DRAM1: variants seen among roughly 807,000 people sequenced by gnomAD.
The protein encoded by DRAM1 is DNA damage-regulated autophagy modulator protein 1.
DRAM1 carries 25 observed loss-of-function variants against 28.5 expected under a neutral mutation model. The ratio of observed to expected loss-of-function variants is 0.88; its 90% CI spans 0.64 to 1.23. The LOEUF is 1.23. Ranked by LOEUF, DRAM1 falls within the 50% of genes most tolerant of loss-of-function variation. The pLI, the probability that DRAM1 is intolerant of heterozygous loss-of-function variation, is 0.00. For synonymous variants in DRAM1, 113 were observed against 114.2 expected, an observed-to-expected ratio of 0.99 and a Z score of 0.07; for missense variants, 249 against 299.2, an observed-to-expected ratio of 0.83 and a Z score of 1.24.
chr12:101,887,003 G>A (rs1872908584), intron 1 of DRAM1, among the ~76,000 whole-genome samples: 1 of 151,936 alleles, frequency 6.6e-6, no homozygotes, highest in Non-Finnish European at 1.5e-5. Flanking sequence ...AAATTAGCCG[G>A]GCATGGTGGC....
In DRAM1 at chr12:101,895,186, GTTTTTTTTT is replaced by G. The variant is rs574722379; in HGVS notation, c.132-2655_132-2647del. Among the ~76,000 whole-genome samples, 49 of 75,736 alleles carry G rather than the reference GTTTTTTTTT, an allele frequency of 6.5e-4. 2 individuals carry two copies. The highest frequency in any genetic ancestry group is 4.9e-3 in the South Asian group (9 of 1,834). 49.7% of individuals were successfully genotyped at this position (75,736 alleles called of 152,430 possible). On this transcript the variant is annotated intron_variant, in intron 1 of 6. Coordinates refer to ENST00000258534, the MANE Select transcript of DRAM1 (RefSeq NM_018370.3). ...TAATGCTAAATTCGAAACCCTTCAG[GTTTTTTTTT>G]TTTTTTTTTTTTTTTTTTTTTACCC...
At chr12:101,878,700 C>A (rs1245086849) in intron 1 of DRAM1, among the ~76,000 whole-genome samples, 1 of 152,244 alleles carries the variant, frequency 6.6e-6, no homozygotes, top group Non-Finnish European at 1.5e-5. Flanking sequence ...GTGCCTTTCT[C>A]ATAGTGGCAG....
chr12:101,882,809 A>AC (rs1009548802), intron 1 of DRAM1, among the ~76,000 whole-genome samples: 9 of 133,654 alleles, frequency 6.7e-5, no homozygotes, highest in East Asian at 5.0e-4. Flanking sequence ...ATACACACAC[A>AC]CCCCCCCATC....
chr12:101,918,934 A>T (rs986686785), intron 5 of DRAM1, among the ~76,000 whole-genome samples: 3 of 151,744 alleles, frequency 2.0e-5, no homozygotes, highest in Admixed American at 6.6e-5. Flanking sequence ...TATTATTATT[A>T]TTTTTGAGAC....
intron 1 of DRAM1, among the ~76,000 whole-genome samples, chr12:101,881,750 C>T: frequency 6.6e-6 from 1 of 152,112 alleles, no homozygotes; most frequent in South Asian, 2.1e-4. Context: ...TGAGACCTGC[C>T]CTGATCACCC....
intron 4 of DRAM1, among the ~76,000 whole-genome samples, chr12:101,912,563 A>G (rs1566130891): frequency 6.6e-6 from 1 of 152,172 alleles, no homozygotes; most frequent in Non-Finnish European, 1.5e-5. Flanking sequence ...AAACTATTAG[A>G]AACAGATGTG....
At chr12:101,887,538 CTTTTTTTTTTG>C (rs1872932167) in intron 1 of DRAM1, among the ~76,000 whole-genome samples, 1 of 148,994 alleles carries the variant, frequency 6.7e-6, no homozygotes. Flanking sequence ...TTTTCTTTTT[CTTTTTTTTTTG>C]AGACGAAGTC....
At chr12:101,903,691 CA>C (rs1338557373) in intron 3 of DRAM1, among the ~76,000 whole-genome samples, 1 of 151,514 alleles carries the variant, frequency 6.6e-6, no homozygotes, top group Non-Finnish European at 1.5e-5. Context: ...GTTCTCATCA[CA>C]AAAAAAATGA....
Position 101,922,904 on chromosome 12 carries a change from AC to A in DRAM1, c.*1645del, listed in dbSNP as rs1566135310. Reference sequence around the variant, plus strand: ...CTTGAGCCTGGGACTTCGAGACCAGACTGGGAAACATGGCAAAATCCCATCT... The same window carrying A: ...CTTGAGCCTGGGACTTCGAGACCAGATGGGAAACATGGCAAAATCCCATCT... On this transcript the variant is annotated 3_prime_UTR_variant, in exon 7 of 7. Transcript: ENST00000258534. 6.6e-6 allele frequency: 1 copy of A among 152,092 alleles called. No homozygotes were observed. The highest frequency in any genetic ancestry group is 1.5e-5 in the Non-Finnish European group (1 of 68,032). The allele number at this position is 152,092 out of a possible 1,614,324, so 9.4% of individuals were successfully genotyped here.
At chr12:101,912,253 T>C (rs1056470348) in intron 4 of DRAM1, among the ~76,000 whole-genome samples, 1 of 152,182 alleles carries the variant, frequency 6.6e-6, no homozygotes, top group Non-Finnish European at 1.5e-5. Flanking sequence ...AAATTACACA[T>C]ATTTCTGTGG....
chr12:101,901,490 G>T, intron 3 of DRAM1, 57 bp downstream of exon 3: 1 of 1,574,368 alleles, frequency 6.4e-7, no homozygotes, highest in Non-Finnish European at 8.6e-7. Flanking sequence ...TGTCTGAAGA[G>T]AGCAGCAGAA....
rs546593590 is a variant in DRAM1 at position 101,922,080 on chromosome 12, T to C, written c.*820T>C. On this transcript the variant is annotated 3_prime_UTR_variant, in exon 7 of 7. Coordinates refer to ENST00000258534, the MANE Select transcript of DRAM1 (RefSeq NM_018370.3). ...CTGACTCAGAACTGAAGCTCACATC[T>C]CAAATTCATTTCATGCCAGTAAATG... 13 of 152,244 alleles carry C rather than the reference T, an allele frequency of 8.5e-5. No individual in the cohort carries two copies. Among genetic ancestry groups the C allele is most frequent in the Non-Finnish European group, 1.5e-4 (10 of 68,024 alleles). 9.4% of individuals were successfully genotyped at this position (152,244 alleles called of 1,614,324 possible).
intron 1 of DRAM1, among the ~76,000 whole-genome samples, chr12:101,887,039 GGAGGCTGAGGCAGGA>G (rs755609486): frequency 3.6e-4 from 55 of 151,894 alleles, no homozygotes; most frequent in Non-Finnish European, 7.2e-4. Context: ...CAGCTACTCG[GGAGGCTGAGGCAGGA>G]GAGTCACTCG....
intron 4 of DRAM1, among the ~76,000 whole-genome samples, chr12:101,910,374 C>T (rs1873991846): frequency 6.6e-6 from 1 of 152,122 alleles, no homozygotes. Flanking sequence ...TCCCTTGCTT[C>T]CAACTTCGGA....
At position 101,908,476 on chromosome 12, in the gene DRAM1, G is replaced by A; in HGVS notation, c.520+113G>A. 7.1e-6 allele frequency: 8 copies of A among 1,124,796 alleles called. No homozygotes were observed. In the South Asian group the frequency reaches 1.2e-4, roughly 18 times the overall value. The allele number at this position is 1,124,796 out of a possible 1,614,324, so 69.7% of individuals were successfully genotyped here. ...CCGCTGCAATGAGTTCTGACAGCAG[G>A]GCGGAGAGATTGGGCTCAACTCTGA... On this transcript the variant is annotated intron_variant, in intron 4 of 6. Coordinates refer to ENST00000258534, the MANE Select transcript of DRAM1 (RefSeq NM_018370.3).
intron 4 of DRAM1, among the ~76,000 whole-genome samples, chr12:101,912,156 C>T (rs1322476459): frequency 2.0e-5 from 3 of 152,136 alleles, no homozygotes; most frequent in Non-Finnish European, 2.9e-5. Context: ...GCTGAGATCA[C>T]ACCACTGCAC....
chr12:101,895,823 G>C (rs1321921928), intron 1 of DRAM1, among the ~76,000 whole-genome samples: 1 of 151,398 alleles, frequency 6.6e-6, no homozygotes, highest in Non-Finnish European at 1.5e-5. Flanking sequence ...ACCTGCCTCG[G>C]GCTCCCGTAG....
At chr12:101,882,574 T>C (rs971743762) in intron 1 of DRAM1, among the ~76,000 whole-genome samples, 8 of 151,438 alleles carry the variant, frequency 5.3e-5, no homozygotes, top group Admixed American at 5.3e-4. Context: ...GGCAAATGGC[T>C]CTTATACACA....
chr12:101,908,458 A>G, intron 4 of DRAM1, 95 bp downstream of exon 4: 2 of 1,291,648 alleles, frequency 1.5e-6, no homozygotes, highest in Non-Finnish European at 2.2e-6. Context: ...GGACCGCTGC[A>G]ATGAGTTCTG....
Sources: allele counts gnomAD v4.1 joint callset (sites outside exome capture counted in the v4.1 genomes callset), GRCh38; gene constraint gnomAD v4.1.1; transcripts MANE v1.5; gene names NCBI Gene and HGNC (gene_info 2026-07-23, HGNC 2026-07-21).